The following CLSTN2 variants were observed in gnomAD, a reference collection of about 807,000 sequenced individuals.
The protein encoded by CLSTN2 is calsyntenin 2, also known as calsyntenin-2.
A neutral mutation model predicts 101.2 loss-of-function variants in CLSTN2; 48 were observed. That is an observed-to-expected ratio of 0.47 (90% CI 0.38 to 0.60). The LOEUF (loss-of-function observed/expected upper bound fraction) is 0.60. Ranked by LOEUF, CLSTN2 falls within the 20% of genes least tolerant of loss-of-function variation. The probability of loss-of-function intolerance (pLI) is 0.00; values close to 1 mark genes in which losing one functional copy is unlikely to be tolerated. For missense variants in CLSTN2, 1,160 were observed against 1,238.2 expected (o/e 0.94, Z 0.95); for synonymous variants, 481 against 463.6 (o/e 1.04, Z -0.48).
intron 2 of CLSTN2, among the ~76,000 whole-genome samples, chr3:140,192,309 A>G (rs1252503502): frequency 3.3e-5 from 5 of 151,882 alleles, no homozygotes; most frequent in Admixed American, 1.3e-4. Context: ...GGGTCTATAA[A>G]CGTAGATTAC....
At chr3:140,001,819 A>G (rs2006848149) in intron 1 of CLSTN2, among the ~76,000 whole-genome samples, 1 of 151,194 alleles carries the variant, frequency 6.6e-6, no homozygotes, top group South Asian at 2.1e-4. Context: ...CTCTATCTTC[A>G]TGAGTTCAAT....
chr3:140,263,159 G>T (rs57301721), intron 2 of CLSTN2, among the ~76,000 whole-genome samples: 8,234 of 152,042 alleles, frequency 0.054, 528 homozygotes, highest in African/African-American at 0.16. Flanking sequence ...GGAAGAAAAA[G>T]AAGGGGTTAT....
chr3:140,528,899 G>T (rs1217183368), intron 8 of CLSTN2, among the ~76,000 whole-genome samples: 2 of 152,172 alleles, frequency 1.3e-5, no homozygotes, highest in Non-Finnish European at 2.9e-5. Context: ...TGAAAATCTT[G>T]AAAGCAAAGG....
intron 4 of CLSTN2, among the ~76,000 whole-genome samples, chr3:140,417,081 A>G (rs560253795): frequency 6.6e-6 from 1 of 152,230 alleles, no homozygotes; most frequent in Non-Finnish European, 1.5e-5. Context: ...ACAGTTAACC[A>G]TTAAATCATT....
chr3:140,290,876 C>A (rs2086940304), intron 2 of CLSTN2, among the ~76,000 whole-genome samples: 1 of 152,146 alleles, frequency 6.6e-6, no homozygotes, highest in Admixed American at 6.6e-5. Context: ...GTCCTCATGC[C>A]TTTCAGGGCT....
chr3:140,275,083 G>C (rs906227645), intron 2 of CLSTN2, among the ~76,000 whole-genome samples: 2 of 152,196 alleles, frequency 1.3e-5, no homozygotes, highest in African/African-American at 4.8e-5. Flanking sequence ...TGACTGTCCA[G>C]TGAAGAAGCA....
chr3:140,514,704 C>T (rs1035610136), intron 8 of CLSTN2, among the ~76,000 whole-genome samples: 8 of 152,118 alleles, frequency 5.3e-5, no homozygotes, highest in African/African-American at 1.9e-4. Flanking sequence ...GGGATCTCTA[C>T]ACTGTTTTCC....
intron 1 of CLSTN2, among the ~76,000 whole-genome samples, chr3:140,029,023 A>G (rs541363482): frequency 3.9e-5 from 6 of 152,316 alleles, no homozygotes; most frequent in African/African-American, 1.2e-4. Flanking sequence ...ACTGACTAGC[A>G]TGGAGTAGGT....
At chr3:140,413,368 A>G (rs930393568) in intron 4 of CLSTN2, among the ~76,000 whole-genome samples, 4 of 152,176 alleles carry the variant, frequency 2.6e-5, no homozygotes, top group Admixed American at 2.6e-4. Flanking sequence ...ATCTGAACAG[A>G]CCAATAATGA....
At chr3:140,139,610 G>A (rs1043423057) in intron 1 of CLSTN2, among the ~76,000 whole-genome samples, 1 of 152,186 alleles carries the variant, frequency 6.6e-6, no homozygotes. Context: ...GTTCCAATGT[G>A]CAGCCAGGGT....
intron 5 of CLSTN2, among the ~76,000 whole-genome samples, chr3:140,422,187 CTT>C (rs1215366099): frequency 5.8e-5 from 3 of 51,882 alleles, no homozygotes; most frequent in Non-Finnish European, 1.1e-4. Context: ...TTCTCTCTTT[CTT>C]TCTCTCTCTC....
At chr3:139,950,648 G>A (rs754579249) in intron 1 of CLSTN2, among the ~76,000 whole-genome samples, 9 of 152,170 alleles carry the variant, frequency 5.9e-5, no homozygotes, top group South Asian at 2.1e-4. Context: ...CACATATTTT[G>A]TAGTGCCCCC....
chr3:140,357,824 C>T (rs993499443), intron 2 of CLSTN2, among the ~76,000 whole-genome samples: 1 of 152,168 alleles, frequency 6.6e-6, no homozygotes, highest in South Asian at 2.1e-4. Flanking sequence ...ATGTTCTAGT[C>T]AGCTCCAATG....
chr3:140,489,117 A>G (rs995302419), intron 8 of CLSTN2, among the ~76,000 whole-genome samples: 3 of 152,192 alleles, frequency 2.0e-5, no homozygotes, highest in African/African-American at 2.4e-5. Flanking sequence ...AGAGGTGAAG[A>G]CTGTAAAAGT....
At chr3:140,227,131 G>A (rs915497298) in intron 2 of CLSTN2, among the ~76,000 whole-genome samples, 3 of 152,162 alleles carry the variant, frequency 2.0e-5, no homozygotes, top group Non-Finnish European at 4.4e-5. Flanking sequence ...AAAGTCCACA[G>A]TCCAAAGTCT....
At position 140,383,679 on chromosome 3, in the gene CLSTN2, G is replaced by T. The variant is rs73228953; in HGVS notation, c.233-19950G>T. On this transcript the variant is annotated intron_variant, in intron 2 of 16. Transcript: ENST00000458420. ...GCCTTCTACAAATATCCACTATATA[G>T]AGAGAGGAGGGAATTCCATCTCTCT... Among the ~76,000 whole-genome samples the T allele has an allele frequency of 8.6e-3, 1,311 of 152,292 alleles. 9 individuals carry two copies. The highest frequency in any genetic ancestry group is 0.013 in the Non-Finnish European group (906 of 68,022).
intron 2 of CLSTN2, among the ~76,000 whole-genome samples, chr3:140,203,807 G>A (rs2010748884): frequency 6.6e-6 from 1 of 152,214 alleles, no homozygotes; most frequent in African/African-American, 2.4e-5. Flanking sequence ...CAGAGGAAGA[G>A]GAGGGAGAGG....
chr3:140,504,861 G>A (rs1024348273), intron 8 of CLSTN2, among the ~76,000 whole-genome samples: 5 of 152,072 alleles, frequency 3.3e-5, no homozygotes, highest in African/African-American at 1.2e-4. Context: ...ATTTTTTGGG[G>A]GAGGGGAAAG....
chr3:140,317,692 C>T (rs2087242561), intron 2 of CLSTN2, among the ~76,000 whole-genome samples: 1 of 152,218 alleles, frequency 6.6e-6, no homozygotes, highest in Non-Finnish European at 1.5e-5. Context: ...TGTTACCTGA[C>T]TCAGTATACA....
Sources: gnomAD v4.1 joint callset for allele counts (sites outside exome capture counted in the v4.1 genomes callset) on GRCh38, gnomAD v4.1.1 for gene constraint, MANE v1.5 for transcripts, NCBI Gene and HGNC (gene_info 2026-07-23, HGNC 2026-07-21) for gene names.